The following PRAMEF1 variants were observed in gnomAD, a reference collection of about 807,000 sequenced individuals.
PRAMEF1 encodes PRAME family member 1.
PRAMEF1 carries 21 observed loss-of-function variants against 38.2 expected under a neutral mutation model. The ratio of observed to expected loss-of-function variants is 0.55; its 90% CI spans 0.39 to 0.79. The LOEUF is 0.79. Ranked by LOEUF, PRAMEF1 falls within the 30% of genes least tolerant of loss-of-function variation. The pLI is 0.00. For synonymous variants in PRAMEF1, 200 were observed against 229.0 expected (o/e 0.87, Z 1.14); for missense variants, 497 against 565.8 (o/e 0.88, Z 1.23).
rs765654112 is a variant in PRAMEF1, at chr1:12,794,378, C to T, written c.751C>T (p.Leu251Phe). The change falls in exon 3 of 4, where the codon CTC becomes TTC. Residue 251 changes from leucine (L) to phenylalanine (F), a missense_variant. Transcript: ENST00000332296. ...RCHHYTSDNE[L>F]EGRLVAKFSS... ...CCATCATTACACGTCAGATAATGAA[C>T]TCGAAGGACGGTTAGTTGCCAAATT... 3 of 1,611,754 alleles carry T rather than the reference C, an allele frequency of 1.9e-6. No individual in the cohort carries two copies. Among genetic ancestry groups the T allele is most frequent in the Non-Finnish European group, 2.5e-6 (3 of 1,178,864 alleles).
chr1:12,791,700 T>A (rs2982164), intron 1 of PRAMEF1, among the ~76,000 whole-genome samples: 59 of 150,162 alleles, frequency 3.9e-4, no homozygotes, highest in Middle Eastern at 3.4e-3. Flanking sequence ...GCAGGTTTTT[T>A]AAAAATATAT....
Position 12,796,391 on chromosome 1 carries a change from G to T in PRAMEF1, c.*395G>T. The T allele has an allele frequency of 4.1e-6, 1 of 244,250 alleles. No individual in the cohort carries two copies. Among genetic ancestry groups the T allele is most frequent in the Non-Finnish European group, 7.8e-6 (1 of 127,416 alleles). The allele number at this position is 244,250 out of a possible 1,614,324, so 15.1% of individuals were successfully genotyped here. On this transcript the variant is annotated 3_prime_UTR_variant, in exon 4 of 4. Transcript: ENST00000332296. ...CTTCAGGGACCCGTGTCCTAGAGTC[G>T]GAAAGAGAAGCTAAAGTTCTACAGT...
chr1:12,793,817 C>G (rs1344681592), intron 2 of PRAMEF1, 98 bp from the exon 3 acceptor site: 3 of 1,434,038 alleles, frequency 2.1e-6, no homozygotes, highest in Non-Finnish European at 1.9e-6. Flanking sequence ...ACAGGGAGCA[C>G]TGAGGACAGG....
intron 2 of PRAMEF1, 40 bp from the exon 3 acceptor site, chr1:12,793,875 T>G (rs1238482842): frequency 6.3e-7 from 1 of 1,590,692 alleles, no homozygotes; most frequent in South Asian, 1.1e-5. Context: ...CAGGGATGAG[T>G]CCTTCTAAAT....
intron 3 of PRAMEF1, 50 bp from the exon 4 acceptor site, chr1:12,795,388 C>T: frequency 1.9e-6 from 3 of 1,605,434 alleles, no homozygotes; most frequent in Non-Finnish European, 2.6e-6. Flanking sequence ...AAGGCACTAC[C>T]TTCATCTAAC....
At chr1:12,791,888 A>T (rs1639299891) in intron 1 of PRAMEF1, among the ~76,000 whole-genome samples, 1 of 150,996 alleles carries the variant, frequency 6.6e-6, no homozygotes, top group African/African-American at 2.4e-5. Flanking sequence ...TTTTGCTCAG[A>T]TCATGGGATT....
rs138590692 is a variant in PRAMEF1, at chr1:12,795,847, A to G, written c.1276A>G (p.Asn426Asp). 0.032 allele frequency: 49,098 copies of G among 1,552,894 alleles called. 706 individuals are homozygous for G. Among genetic ancestry groups the G allele is most frequent in the East Asian group, 0.038 (1,578 of 42,006 alleles). Residue 426 changes from asparagine to aspartate, a missense_variant, in exon 4 of 4, where the codon AAT becomes GAT. By Grantham distance (23) the Asn-to-Asp change is conservative. Around this residue, in one of 2 missense-constraint regions of PRAMEF1, gnomAD observed 27 missense variants for 63.9 expected, o/e 0.42. Transcript: ENST00000332296. ...GAGTTTGAATTCCTTGGTTCGTGTC[A>G]ATTGGGAGATCTTCACCCCACTTCG... is the stretch of plus-strand genomic sequence containing the variant. ...EESLNSLVRVNWEIFTPLRAE... is the reference protein window; with the variant it reads ...EESLNSLVRVDWEIFTPLRAE...
intron 3 of PRAMEF1, 75 bp from the exon 4 acceptor site, chr1:12,795,363 G>A (rs1264456428): frequency 2.6e-6 from 4 of 1,530,402 alleles, no homozygotes; most frequent in South Asian, 2.3e-5. Context: ...TTTGACGCAG[G>A]CATTTTCCTA....
chr1:12,795,487 T>A lies in PRAMEF1; in HGVS notation c.916T>A (p.Leu306Met). 1 of 1,612,418 alleles carries A rather than the reference T, an allele frequency of 6.2e-7. No homozygotes were observed. The highest frequency in any genetic ancestry group is 1.1e-5 in the South Asian group (1 of 90,870). ...CTTGGAATTAACTTATGGCTACCTA[T>A]TGGAAGAAGACATGAAGTGTCTCTC... Reference protein sequence around the residue: ...ENLELTYGYLLEEDMKCLSQY... With the variant: ...ENLELTYGYLMEEDMKCLSQY... Residue 306 changes from leucine (L) to methionine (M), a missense_variant, in exon 4 of 4, where the codon TTG becomes ATG. Physicochemically the swap from Leu to Met is conservative, Grantham distance 15. Coordinates refer to ENST00000332296, the MANE Select transcript of PRAMEF1 (RefSeq NM_023013.4).
chr1:12,793,396 C>T lies in PRAMEF1; in HGVS notation c.169C>T (p.Gln57Ter), dbSNP rs777123922. The T allele has an allele frequency of 2.5e-6, 4 of 1,610,120 alleles. No individual in the cohort carries two copies. The highest frequency in any genetic ancestry group is 2.5e-6 in the Non-Finnish European group (3 of 1,177,938). ...CTTCCAGACTCTGACGGTGATGGTT[C>T]AGGCCTGGCCCTTCACCTGCCTCCC... ...RHFQTLTVMVQAWPFTCLPLG... is the reference protein window; with the variant it reads ...RHFQTLTVMV The change falls in exon 2 of 4, where the codon CAG (glutamine) becomes TAG (stop). Residue 57 changes from glutamine to a stop codon, truncating the protein, a stop_gained. Coordinates refer to ENST00000332296, the MANE Select transcript of PRAMEF1 (RefSeq NM_023013.4). LOFTEE classifies it high-confidence loss of function.
At position 12,794,465 on chromosome 1, in the gene PRAMEF1, T is replaced by G. The variant is rs146732825; in HGVS notation, c.838T>G (p.Phe280Val). 2,403 of 1,610,256 alleles carry G rather than the reference T, an allele frequency of 1.5e-3. 89 individuals carry two copies. The highest frequency in any genetic ancestry group is 1.9e-3 in the Non-Finnish European group (2,212 of 1,177,808). Residue 280 changes from phenylalanine to valine, a missense_variant, in exon 3 of 4, where the codon TTC becomes GTC. By Grantham distance (50) the Phe-to-Val change is conservative. Transcript: ENST00000332296. ...QLLKIKLITF[F>V]SGHLEQLIRC... ...GCTTAAAATAAAATTGATCACCTTC[T>G]TCAGTGGGCACCTGGAACAGCTGAT...
At position 12,791,418 on chromosome 1, in the gene PRAMEF1, A is replaced by T. The variant is rs1569725242; in HGVS notation, c.-82A>T. 1 of 142,648 alleles carries T rather than the reference A, an allele frequency of 7.0e-6. No individual in the cohort carries two copies. The highest frequency in any genetic ancestry group is 1.6e-5 in the Non-Finnish European group (1 of 63,514). 8.8% of individuals were successfully genotyped at this position (142,648 alleles called of 1,614,324 possible). ...AGAGACCCACAGCACTCATTCCTGG[A>T]GCTACTGGTTGGTTTCCTGAGAGGT... On this transcript the variant is annotated 5_prime_UTR_variant, in exon 1 of 4. Coordinates refer to ENST00000332296, the MANE Select transcript of PRAMEF1 (RefSeq NM_023013.4).
At position 12,793,655 on chromosome 1, in the gene PRAMEF1, T is replaced by C; in HGVS notation, c.287+141T>C. 3.2e-6 allele frequency: 5 copies of C among 1,540,526 alleles called. No homozygotes were observed. The South Asian group carries it at 6.2e-5, about 19-fold the overall frequency. Reference sequence around the variant, plus strand: ...GGAAGATCAGGGAGGCTTTGGCCATTTTCCAGATCCTCAGAGAAAGGACTG... The same window carrying C: ...GGAAGATCAGGGAGGCTTTGGCCATCTTCCAGATCCTCAGAGAAAGGACTG... On this transcript the variant is annotated intron_variant, in intron 2 of 3. Coordinates refer to ENST00000332296, the MANE Select transcript of PRAMEF1 (RefSeq NM_023013.4).
At position 12,793,503 on chromosome 1, in the gene PRAMEF1, G is replaced by A. The variant is rs267597971; in HGVS notation, c.276G>A (p.Lys92=). The change falls in exon 2 of 4, where the codon AAG becomes AAA. Residue 92 remains lysine (K), a synonymous_variant. Transcript: ENST00000332296. ...LEGLHMLLTQ[K]DRPRRWKLQV... The stretch of plus-strand genomic sequence containing the variant: ...GGCTTCATATGCTGCTTACACAGAA[G>A]GATCGCCCCAGGTGAGGTGACCCAG... 2 of 1,608,132 alleles carry A rather than the reference G, an allele frequency of 1.2e-6. No homozygotes were observed. The highest frequency in any genetic ancestry group is 2.2e-5 in the South Asian group (2 of 90,434).
chr1:12,791,694 G>T (rs1419137822), intron 1 of PRAMEF1, among the ~76,000 whole-genome samples: 72 of 147,810 alleles, frequency 4.9e-4, no homozygotes, highest in Middle Eastern at 3.5e-3. Flanking sequence ...ATCGAAGCAG[G>T]TTTTTTAAAA....
intron 1 of PRAMEF1, among the ~76,000 whole-genome samples, chr1:12,792,477 G>A (rs992515495): frequency 6.6e-6 from 1 of 151,196 alleles, no homozygotes. Flanking sequence ...TGGAAACTCT[G>A]CCTCTGGGCT....
At chr1:12,793,839 T>C in intron 2 of PRAMEF1, 76 bp from the exon 3 acceptor site, 2 of 1,412,354 alleles carry the variant, frequency 1.4e-6, no homozygotes, top group Non-Finnish European at 2.0e-6. Flanking sequence ...GCAGCTGATT[T>C]ATGGGATGAC....
At chr1:12,794,567 A>G (rs1737150) in intron 3 of PRAMEF1, 74 bp downstream of exon 3, 533,573 of 1,535,668 alleles carry the variant, frequency 0.35, 105,445 homozygotes, top group East Asian at 0.5. Flanking sequence ...ATTAGAATGC[A>G]TGTACTGTGT....
Position 12,795,636 on chromosome 1 carries a change from C to A in PRAMEF1, c.1065C>A (p.Ile355=). 1.9e-6 allele frequency: 3 copies of A among 1,611,570 alleles called. No homozygotes were observed. Among genetic ancestry groups the A allele is most frequent in the South Asian group, 2.2e-5 (2 of 90,942 alleles). Residue 355 remains isoleucine, a synonymous_variant, in exon 4 of 4, where the codon ATC becomes ATA. Transcript: ENST00000332296. The part of the protein sequence containing the change: ...EKIAASLKTL[I]LEGCQIHYSQ... Reference sequence around the variant, plus strand: ...TTGCTGCCTCTCTCAAAACCCTCATCTTGGAGGGCTGTCAGATCCACTACT... The same window carrying A: ...TTGCTGCCTCTCTCAAAACCCTCATATTGGAGGGCTGTCAGATCCACTACT...
Sources: gnomAD v4.1 joint callset for allele counts (sites outside exome capture counted in the v4.1 genomes callset) on GRCh38, gnomAD v4.1.1 for gene constraint, gnomAD v4.1.1 regional missense constraint, MANE v1.5 for transcripts, NCBI Gene and HGNC (gene_info 2026-07-23, HGNC 2026-07-21) for gene names.